The following RNGTT variants were observed in gnomAD, a reference collection of about 807,000 sequenced individuals.
RNGTT encodes the protein mRNA-capping enzyme.
RNGTT carries 33 observed loss-of-function variants against 79.3 expected under a neutral mutation model. The observed-to-expected ratio is 0.42, with a 90% CI of 0.32 to 0.56. The LOEUF (loss-of-function observed/expected upper bound fraction) is 0.56. Among genes scored for constraint, RNGTT ranks in the 20% least tolerant of loss-of-function variants. RNGTT has a pLI of 0.17. For missense variants in RNGTT, 497 were observed against 739.1 expected (o/e 0.67, Z 3.80); for synonymous variants, 222 against 235.9 (o/e 0.94, Z 0.54).
At chr6:88,757,922 T>C (rs182239512) in intron 13 of RNGTT, among the ~76,000 whole-genome samples, 1 of 152,350 alleles carries the variant, frequency 6.6e-6, no homozygotes, top group Admixed American at 6.5e-5. Context: ...GTTACATGTT[T>C]AAGTAACAGT....
chr6:88,652,613 G>A (rs1194663575), intron 14 of RNGTT, among the ~76,000 whole-genome samples: 2 of 152,160 alleles, frequency 1.3e-5, no homozygotes, highest in South Asian at 2.1e-4. Flanking sequence ...TTTGGGGAAC[G>A]TGTGGATTTC....
intron 1 of RNGTT, among the ~76,000 whole-genome samples, chr6:88,958,207 T>C (rs994438434): frequency 6.6e-5 from 10 of 152,166 alleles, no homozygotes; most frequent in African/African-American, 2.4e-4. Context: ...TCTCACCTTA[T>C]ACAAAGTCAA....
At chr6:88,634,431 C>T (rs1773017885) in intron 14 of RNGTT, among the ~76,000 whole-genome samples, 1 of 152,088 alleles carries the variant, frequency 6.6e-6, no homozygotes, top group Admixed American at 6.6e-5. Context: ...AGAGAAGGAT[C>T]AGCAAATTGT....
chr6:88,634,339 T>G (rs1773015675), intron 14 of RNGTT, among the ~76,000 whole-genome samples: 1 of 152,168 alleles, frequency 6.6e-6, no homozygotes, highest in South Asian at 2.1e-4. Flanking sequence ...CTAAATTTCC[T>G]TCTTAAAATA....
Position 88,754,644 on chromosome 6 carries a change from T to C in RNGTT, c.1439+15130A>G, listed in dbSNP as rs182655498. On this transcript the variant is annotated intron_variant, in intron 13 of 15. Transcript: ENST00000369485. ...ACAAAATGTCTGCAGCACTGTGACA[T>C]GTTCGTGATGGCCATGATGCCCCCG... Among the ~76,000 whole-genome samples, 11 of 152,288 alleles carry C rather than the reference T, an allele frequency of 7.2e-5. No homozygotes were observed. In the East Asian group the frequency reaches 2.1e-3, roughly 29 times the overall value.
intron 8 of RNGTT, among the ~76,000 whole-genome samples, chr6:88,866,134 G>A (rs1485663771): frequency 6.6e-6 from 1 of 152,096 alleles, no homozygotes; most frequent in Non-Finnish European, 1.5e-5. Flanking sequence ...GTCAAGTTAG[G>A]ACTAAATTCA....
intron 14 of RNGTT, among the ~76,000 whole-genome samples, chr6:88,677,759 G>C (rs973715769): frequency 6.6e-6 from 1 of 152,016 alleles, no homozygotes; most frequent in Non-Finnish European, 1.5e-5. Context: ...GTGCAGGCAT[G>C]AGCCACCGTA....
chr6:88,909,600 G>A (rs62429029), intron 4 of RNGTT, among the ~76,000 whole-genome samples: 1,957 of 152,252 alleles, frequency 0.013, 18 homozygotes, highest in Non-Finnish European at 0.019. Context: ...CAAAGGAAAC[G>A]TGAGACAGTG....
At chr6:88,647,715 A>AAAAAAAAAAAAAAAAAAAAAAAAAAAG (rs531898293) in intron 14 of RNGTT, among the ~76,000 whole-genome samples, 7 of 142,498 alleles carry the variant, frequency 4.9e-5, no homozygotes, top group African/African-American at 1.5e-4. Context: ...AAAAAAAAAA[A>AAAAAAAAAAAAAAAAAAAAAAAAAAAG]AAGAAGAAGA....
chr6:88,647,003 C>G (rs2127775771), intron 14 of RNGTT, among the ~76,000 whole-genome samples: 1 of 151,872 alleles, frequency 6.6e-6, no homozygotes. Context: ...CACATGTACC[C>G]TAGAACTTAA....
At position 88,917,780 on chromosome 6, in the gene RNGTT, G is replaced by A. The variant is rs962460361; in HGVS notation, c.367+11205C>T. Among the ~76,000 whole-genome samples, 35 of 152,168 alleles carry A rather than the reference G, an allele frequency of 2.3e-4. No homozygotes were observed. The East Asian group carries it at 3.3e-3, about 14-fold the overall frequency. ...CGGTTGCCTGTAATCCCAGCTACTCGGGAGGCTGCGGCAGGAGAATCGCGT... is the reference window on the plus strand; with the variant it reads ...CGGTTGCCTGTAATCCCAGCTACTCAGGAGGCTGCGGCAGGAGAATCGCGT... On this transcript the variant is annotated intron_variant, in intron 4 of 15. Transcript: ENST00000369485.
intron 1 of RNGTT, 23 bp from the exon 2 acceptor site, chr6:88,941,203 C>A (rs9451108): frequency 0.22 from 298,407 of 1,337,078 alleles, 40,053 homozygotes; most frequent in African/African-American, 0.61. Context: ...GATAGGTAAT[C>A]ATTTCCATAA....
At position 88,884,619 on chromosome 6, in the gene RNGTT, G is replaced by A. The variant is rs556971850; in HGVS notation, c.896+5876C>T. 1.1e-3 allele frequency among the ~76,000 whole-genome samples: 163 copies of A among 152,274 alleles called. 1 individual carries two copies. Among genetic ancestry groups the A allele is most frequent in the Non-Finnish European group, 1.9e-3 (126 of 68,016 alleles). On this transcript the variant is annotated intron_variant, in intron 8 of 15. Transcript: ENST00000369485. Reference sequence around the variant, plus strand: ...TCAGAGCATACTCTGAATCATAGTAGAGTTTCACACACTCAGAAAAATGAA... The same window carrying A: ...TCAGAGCATACTCTGAATCATAGTAAAGTTTCACACACTCAGAAAAATGAA...
chr6:88,801,657 C>T, intron 11 of RNGTT, 25 bp from the exon 12 acceptor site: 1 of 1,451,562 alleles, frequency 6.9e-7, no homozygotes, highest in Non-Finnish European at 9.7e-7. Flanking sequence ...CACATGTATT[C>T]TTTAAAAATA....
In RNGTT at chr6:88,889,206, A is replaced by T. The variant is rs187007455; in HGVS notation, c.896+1289T>A. On this transcript the variant is annotated intron_variant, in intron 8 of 15. Coordinates refer to ENST00000369485, the MANE Select transcript of RNGTT (RefSeq NM_003800.5). ...ATATGTCTTACCTATAAAATACCCTAAAAAAGCTAAAAAATGCTAAACTGA... is the reference window on the plus strand; with the variant it reads ...ATATGTCTTACCTATAAAATACCCTTAAAAAGCTAAAAAATGCTAAACTGA... 3.4e-3 allele frequency among the ~76,000 whole-genome samples: 517 copies of T among 152,264 alleles called. 14 individuals carry two copies. The highest frequency in any genetic ancestry group is 1.5e-3 in the East Asian group (8 of 5,180).
chr6:88,616,615 C>G (rs1772232116), intron 14 of RNGTT, among the ~76,000 whole-genome samples: 1 of 152,032 alleles, frequency 6.6e-6, no homozygotes, highest in South Asian at 2.1e-4. Context: ...GGTGCTATCT[C>G]ATTGTGGTCT....
rs1037856183 is a variant in RNGTT at position 88,690,394 on chromosome 6, T to G, written c.1440-11975A>C. On this transcript the variant is annotated intron_variant, in intron 13 of 15. Coordinates refer to ENST00000369485, the MANE Select transcript of RNGTT (RefSeq NM_003800.5). ...TATTTTTGCAACTTTTCTGTAAGTC[T>G]AGAATTATTTTAAAATTAAAAAAAA... 7.5e-5 allele frequency among the ~76,000 whole-genome samples: 11 copies of G among 146,698 alleles called. 1 individual carries two copies. In the Middle Eastern group the frequency reaches 0.01, roughly 138 times the overall value.
intron 14 of RNGTT, among the ~76,000 whole-genome samples, chr6:88,631,087 C>A (rs537136726): frequency 6.6e-6 from 1 of 152,284 alleles, no homozygotes; most frequent in East Asian, 1.9e-4. Flanking sequence ...ATTCATGTGT[C>A]AACAGAACTG....
chr6:88,610,602 T>C lies in RNGTT; in HGVS notation c.*2117A>G, dbSNP rs1771987214. The C allele has an allele frequency of 1.3e-5, 2 of 152,224 alleles. No individual in the cohort carries two copies. The highest frequency in any genetic ancestry group is 2.4e-5 in the African/African-American group (1 of 41,460). The allele number at this position is 152,224 out of a possible 1,614,324, so 9.4% of individuals were successfully genotyped here. On this transcript the variant is annotated 3_prime_UTR_variant, in exon 16 of 16. Coordinates refer to ENST00000369485, the MANE Select transcript of RNGTT (RefSeq NM_003800.5). ...GACTTTTATAATACTGCAGATGGTATTATGTTCAGGGGCTAAATGGGATCT... is the reference window on the plus strand; with the variant it reads ...GACTTTTATAATACTGCAGATGGTACTATGTTCAGGGGCTAAATGGGATCT...
Sources: gnomAD v4.1 joint callset for allele counts (sites outside exome capture counted in the v4.1 genomes callset) on GRCh38, gnomAD v4.1.1 for gene constraint, MANE v1.5 for transcripts, NCBI Gene and HGNC (gene_info 2026-07-23, HGNC 2026-07-21) for gene names.